Variants in ARHGAP15 observed in about 807,000 individuals in gnomAD.
ARHGAP15 encodes Rho GTPase activating protein 15, also known as rho GTPase-activating protein 15.
ARHGAP15 carries 51 observed loss-of-function variants against 63.7 expected under a neutral mutation model. The observed-to-expected ratio is 0.80, with a 90% CI of 0.64 to 1.01. ARHGAP15 has a LOEUF of 1.01. Ranked by LOEUF, ARHGAP15 falls within the 50% of genes least tolerant of loss-of-function variation. The pLI is 0.00. For missense variants in ARHGAP15, 560 were observed against 564.6 expected, an observed-to-expected ratio of 0.99 and a Z score of 0.08; for synonymous variants, 191 against 193.8, an observed-to-expected ratio of 0.99 and a Z score of 0.12.
chr2:143,346,236 TCACACACACACA>T (rs1050451199), intron 6 of ARHGAP15, among the ~76,000 whole-genome samples: 7 of 82,616 alleles, frequency 8.5e-5, no homozygotes, highest in African/African-American at 2.9e-4. Context: ...ACACTCTCTC[TCACACACACACA>T]CTCACACACA....
chr2:143,258,693 C>G lies in ARHGAP15; in HGVS notation c.474+8093C>G, dbSNP rs538327784. Among the ~76,000 whole-genome samples, 6 of 152,148 alleles carry G rather than the reference C, an allele frequency of 3.9e-5. No individual in the cohort carries two copies. The South Asian group carries it at 1.2e-3, about 32-fold the overall frequency. On this transcript the variant is annotated intron_variant, in intron 6 of 13. Coordinates refer to ENST00000295095, the MANE Select transcript of ARHGAP15 (RefSeq NM_018460.4). ...GAAATGGTTGATGTTGGGGAGAAAT[C>G]AGGAAGGAAGCTGTTTGAACTCTTT...
At chr2:143,482,497 G>A (rs958431613) in intron 8 of ARHGAP15, among the ~76,000 whole-genome samples, 1 of 152,166 alleles carries the variant, frequency 6.6e-6, no homozygotes, top group African/African-American at 2.4e-5. Flanking sequence ...GAAAATGGAA[G>A]GAACACTGTT....
chr2:143,509,342 A>AAT (rs1693472121), intron 9 of ARHGAP15, among the ~76,000 whole-genome samples: 1 of 152,074 alleles, frequency 6.6e-6, no homozygotes, highest in African/African-American at 2.4e-5. Context: ...GAAAAAAAAA[A>AAT]AAAATAAGTA....
At chr2:143,767,102 T>C (rs908933857) in intron 13 of ARHGAP15, among the ~76,000 whole-genome samples, 8 of 152,232 alleles carry the variant, frequency 5.3e-5, no homozygotes, top group African/African-American at 1.4e-4. Context: ...CTTAGCACTC[T>C]TTCTTTCCAT....
At chr2:143,164,072 A>T (rs892369975) in intron 2 of ARHGAP15, among the ~76,000 whole-genome samples, 4 of 151,964 alleles carry the variant, frequency 2.6e-5, no homozygotes, top group African/African-American at 9.7e-5. Context: ...TTTTTGTTTC[A>T]TTCTTTTTCT....
intron 1 of ARHGAP15, among the ~76,000 whole-genome samples, chr2:143,134,154 CCTAT>C (rs1440987842): frequency 9.5e-4 from 14 of 14,698 alleles, no homozygotes; most frequent in Admixed American, 7.4e-3. Context: ...TATCTATCTA[CCTAT>C]CTATCTATCA....
At chr2:143,673,750 GTGTGTGTGTATATA>G (rs1332745340) in intron 12 of ARHGAP15, among the ~76,000 whole-genome samples, 4 of 34,632 alleles carry the variant, frequency 1.2e-4, no homozygotes, top group African/African-American at 1.2e-4. Flanking sequence ...GTGTGTGTGT[GTGTGTGTGTATATA>G]TATATATATA....
chr2:143,520,663 GAATA>G lies in ARHGAP15; in HGVS notation c.925+1304_925+1307del, dbSNP rs926807885. ...TTTAATTTTATAAGTACATTTTTAG[GAATA>G]AATATTCTTTGGTAAGTACTTAAAG... On this transcript the variant is annotated intron_variant, in intron 10 of 13. Transcript: ENST00000295095. 1.4e-3 allele frequency among the ~76,000 whole-genome samples: 206 copies of G among 152,266 alleles called. 1 individual carries two copies. The highest frequency in any genetic ancestry group is 4.9e-3 in the African/African-American group (202 of 41,552).
At chr2:143,380,348 T>C (rs1040218622) in intron 6 of ARHGAP15, among the ~76,000 whole-genome samples, 3 of 152,144 alleles carry the variant, frequency 2.0e-5, no homozygotes, top group African/African-American at 4.8e-5. Context: ...CTGGGTGCTT[T>C]GCATGCATTG....
intron 1 of ARHGAP15, among the ~76,000 whole-genome samples, chr2:143,145,369 G>C (rs1689538337): frequency 6.6e-6 from 1 of 151,894 alleles, no homozygotes; most frequent in Non-Finnish European, 1.5e-5. Context: ...CTTTCTCCTT[G>C]ACCGCAACTT....
intron 2 of ARHGAP15, among the ~76,000 whole-genome samples, chr2:143,197,182 GA>G (rs1691914240): frequency 6.6e-6 from 1 of 151,814 alleles, no homozygotes; most frequent in Non-Finnish European, 1.5e-5. Flanking sequence ...TGGTAGTAGA[GA>G]TTTTATAACA....
chr2:143,258,022 A>G (rs1680512912), intron 6 of ARHGAP15, among the ~76,000 whole-genome samples: 1 of 152,116 alleles, frequency 6.6e-6, no homozygotes. Context: ...TTAATAGCAA[A>G]CAGACCTATT....
chr2:143,333,832 C>T (rs1311564076), intron 6 of ARHGAP15, among the ~76,000 whole-genome samples: 1 of 152,158 alleles, frequency 6.6e-6, no homozygotes, highest in Non-Finnish European at 1.5e-5. Flanking sequence ...GTAAACATTG[C>T]TTCAGGCTAG....
At chr2:143,418,415 A>G (rs984430392) in intron 6 of ARHGAP15, among the ~76,000 whole-genome samples, 36 of 152,210 alleles carry the variant, frequency 2.4e-4, no homozygotes, top group Admixed American at 2.0e-3. Context: ...AAAATTTACT[A>G]AGAGATATAA....
intron 1 of ARHGAP15, among the ~76,000 whole-genome samples, chr2:143,134,446 A>C (rs1463857925): frequency 6.6e-6 from 1 of 152,168 alleles, no homozygotes; most frequent in East Asian, 1.9e-4. Context: ...TATTATGGTT[A>C]AAATTGATCT....
At chr2:143,648,828 G>A (rs1459911495) in intron 12 of ARHGAP15, 4 of 151,940 alleles carry the variant, frequency 2.6e-5, no homozygotes, top group Non-Finnish European at 5.9e-5. Flanking sequence ...TCATAAAGAT[G>A]CAGTGTTAGG....
intron 9 of ARHGAP15, among the ~76,000 whole-genome samples, chr2:143,515,278 A>G (rs886324068): frequency 3.3e-5 from 5 of 150,434 alleles, no homozygotes; most frequent in African/African-American, 1.2e-4. Flanking sequence ...CTAAAAAACC[A>G]CAATCACTTC....
intron 12 of ARHGAP15, among the ~76,000 whole-genome samples, chr2:143,636,662 T>G (rs1266195373): frequency 6.6e-6 from 1 of 152,170 alleles, no homozygotes; most frequent in Non-Finnish European, 1.5e-5. Context: ...TTTAAAACAC[T>G]TAAAGTGTAA....
intron 13 of ARHGAP15, among the ~76,000 whole-genome samples, chr2:143,718,571 G>T (rs988188014): frequency 3.3e-5 from 5 of 152,136 alleles, no homozygotes; most frequent in Non-Finnish European, 5.9e-5. Flanking sequence ...TGGTATAGAG[G>T]TTCCTGTATC....
Sources: gnomAD v4.1 joint callset for allele counts (sites outside exome capture counted in the v4.1 genomes callset) on GRCh38, gnomAD v4.1.1 for gene constraint, MANE v1.5 for transcripts, NCBI Gene and HGNC (gene_info 2026-07-23, HGNC 2026-07-21) for gene names.